SCN3A: variants seen among roughly 807,000 people sequenced by gnomAD.
SCN3A encodes sodium voltage-gated channel alpha subunit 3.
A neutral mutation model predicts 187.6 loss-of-function variants in SCN3A; 60 were observed. The observed-to-expected ratio is 0.32, with a 90% confidence interval of 0.26 to 0.40. The LOEUF (loss-of-function observed/expected upper bound fraction) is 0.40. Ranked by LOEUF, SCN3A falls within the 10% of genes least tolerant of loss-of-function variation. The probability of loss-of-function intolerance (pLI) is 1.00; values close to 1 mark genes in which losing one functional copy is unlikely to be tolerated. For missense variants in SCN3A, 1,601 were observed against 2,428.2 expected (o/e 0.66, Z 7.16); for synonymous variants, 788 against 829.2 (o/e 0.95, Z 0.85).
intron 12 of SCN3A, among the ~76,000 whole-genome samples, 187 bp from the exon 13 acceptor site, chr2:165,141,185 A>G (rs941847353): frequency 1.3e-5 from 2 of 152,238 alleles, no homozygotes; most frequent in African/African-American, 4.8e-5. Context: ...ATTTAAGTAC[A>G]AAGAGTGTTT....
At position 165,139,546 on chromosome 2, in the gene SCN3A, C is replaced by A. The variant is rs1687871489; in HGVS notation, c.2082G>T (p.Glu694Asp). The A allele has an allele frequency of 2.5e-5, 41 of 1,613,992 alleles. No individual in the cohort carries two copies. The highest frequency in any genetic ancestry group is 3.5e-5 in the Non-Finnish European group (41 of 1,179,912). Reference sequence around the variant, plus strand: ...GCCTTCCAGAGGAATCCTCCAGCATCTCCATTGAAATCTGGTAAGAGCTTA... The same window carrying A: ...GCCTTCCAGAGGAATCCTCCAGCATATCCATTGAAATCTGGTAAGAGCTTA... ...RRLSSYQISMEMLEDSSGRQR... is the reference protein window; with the variant it reads ...RRLSSYQISMDMLEDSSGRQR... The change falls in exon 14 of 28, where the codon GAG becomes GAT. Residue 694 changes from glutamate to aspartate, a missense_variant. Physicochemically the swap from Glu to Asp is conservative, Grantham distance 45. Transcript: ENST00000283254.
Position 165,162,206 on chromosome 2 carries a change from A to G in SCN3A, c.1031+102T>C. 4 of 1,081,110 alleles carry G rather than the reference A, an allele frequency of 3.7e-6. No homozygotes were observed. In the South Asian group the frequency reaches 4.2e-5, roughly 11 times the overall value. The allele number at this position is 1,081,110 out of a possible 1,614,324, so 67.0% of individuals were successfully genotyped here. ...GGGGAGCAGCACTGCTCTTTATTGC[A>G]TACATGGTAAGGCTACACATATAAC... On this transcript the variant is annotated intron_variant, in intron 9 of 27. Transcript: ENST00000283254.
At chr2:165,185,508 C>G (rs1011043086) in intron 2 of SCN3A, among the ~76,000 whole-genome samples, 4 of 152,100 alleles carry the variant, frequency 2.6e-5, no homozygotes, top group Admixed American at 6.5e-5. Flanking sequence ...TCCTCTGGAC[C>G]CTTTTCTATT....
At chr2:165,161,749 G>A (rs1689411989) in intron 9 of SCN3A, among the ~76,000 whole-genome samples, 1 of 152,114 alleles carries the variant, frequency 6.6e-6, no homozygotes, top group South Asian at 2.1e-4. Flanking sequence ...TGTAACGTGT[G>A]GCCTAAAAGA....
chr2:165,153,186 A>AATGGC (rs1266929339), intron 11 of SCN3A, among the ~76,000 whole-genome samples: 1 of 152,144 alleles, frequency 6.6e-6, no homozygotes, highest in African/African-American at 2.4e-5. Context: ...GTTCAAAGGC[A>AATGGC]ATGCAGTGGA....
Position 165,090,673 on chromosome 2 carries a change from G to A in SCN3A, c.5480C>T (p.Ala1827Val), listed in dbSNP as rs1242805569. Residue 1827 changes from alanine (A) to valine (V), a missense_variant, in exon 28 of 28, where the codon GCA (alanine) becomes GTA (valine). By Grantham distance (64) the Ala-to-Val change is moderately conservative. Coordinates refer to ENST00000283254, the MANE Select transcript of SCN3A (RefSeq NM_006922.4). This position sits in a 1 kb window ranked among gnomAD's most constrained non-coding sequence, Gnocchi z 4.0. Reference protein sequence around the residue: ...AAALDPPLLIAKPNKVQLIAM... With the variant: ...AAALDPPLLIVKPNKVQLIAM... ...AATAAGCTGGACTTTGTTGGGTTTT[G>A]CTATGAGAAGAGGAGGATCCAGGGC... The A allele has an allele frequency of 1.2e-6, 2 of 1,613,942 alleles. No homozygotes were observed. Among genetic ancestry groups the A allele is most frequent in the Admixed American group, 1.7e-5 (1 of 59,968 alleles).
intron 22 of SCN3A, among the ~76,000 whole-genome samples, chr2:165,098,719 C>A (rs969285859): frequency 3.9e-5 from 6 of 152,194 alleles, no homozygotes; most frequent in Non-Finnish European, 8.8e-5. Context: ...ACCACAGGTT[C>A]TCCTGTTTTC....
rs764142448 is a variant in SCN3A at position 165,154,447 on chromosome 2, AG to A, written c.1380+4del. 55 of 1,613,816 alleles carry A rather than the reference AG, an allele frequency of 3.4e-5. No homozygotes were observed. Among genetic ancestry groups the A allele is most frequent in the Non-Finnish European group, 4.0e-5 (47 of 1,179,820 alleles). ...TGATAAATCTTTGCTTTTATCACTC[AG>A]TACCTGAGCTTCTTCCTGTTGCTTT... On this transcript the variant is annotated splice_donor_region_variant and intron_variant, in intron 11 of 27. Coordinates refer to ENST00000283254, the MANE Select transcript of SCN3A (RefSeq NM_006922.4).
In SCN3A at chr2:165,187,572, T is replaced by C. The variant is rs372929396; in HGVS notation, c.-247-825A>G. Among the ~76,000 whole-genome samples, 12 of 152,348 alleles carry C rather than the reference T, an allele frequency of 7.9e-5. No homozygotes were observed. In the East Asian group the frequency reaches 1.7e-3, roughly 22 times the overall value. On this transcript the variant is annotated intron_variant, in intron 1 of 27. Transcript: ENST00000283254. ...AAAACATTAAATCTCACTTTTACAATTTTATACATGGTCTATACAATCTTT... is the reference window on the plus strand; with the variant it reads ...AAAACATTAAATCTCACTTTTACAACTTTATACATGGTCTATACAATCTTT...
chr2:165,169,896 G>A (rs764608464), intron 4 of SCN3A, among the ~76,000 whole-genome samples: 1 of 151,614 alleles, frequency 6.6e-6, no homozygotes, highest in Non-Finnish European at 1.5e-5. Flanking sequence ...CCAGGTACAT[G>A]AGCACATAGT....
chr2:165,152,967 T>A, intron 11 of SCN3A, among the ~76,000 whole-genome samples: 2 of 130,956 alleles, frequency 1.5e-5, no homozygotes, highest in African/African-American at 2.9e-5. Flanking sequence ...CATACAGAAC[T>A]ACAAGGGACA....
rs1559172539 is a variant in SCN3A, at chr2:165,089,871, C to T, written c.*279G>A. ...GTGTTTGGTGTAGTTACAATGTTCA[C>T]TTTGCACAACTATCCCTATAGTCTA... On this transcript the variant is annotated 3_prime_UTR_variant, in exon 28 of 28. Transcript: ENST00000283254. 2.3e-6 allele frequency: 1 copy of T among 434,536 alleles called. No homozygotes were observed. The highest frequency in any genetic ancestry group is 4.2e-6 in the Non-Finnish European group (1 of 239,472). The allele number at this position is 434,536 out of a possible 1,614,324, so 26.9% of individuals were successfully genotyped here. A position where few individuals can be genotyped will look rare whatever the true frequency, so the allele number is the denominator to read the frequency against.
chr2:165,107,436 T>C (rs1285047095), intron 21 of SCN3A, among the ~76,000 whole-genome samples: 1 of 152,174 alleles, frequency 6.6e-6, no homozygotes, highest in African/African-American at 2.4e-5. Context: ...TACACGGAAA[T>C]ATATCTAGAG....
intron 25 of SCN3A, 41 bp downstream of exon 25, chr2:165,095,470 A>T (rs1424635665): frequency 2.5e-6 from 4 of 1,597,612 alleles, no homozygotes; most frequent in Non-Finnish European, 3.4e-6. Context: ...TAACAGACAG[A>T]ACCCCAGAAT....
chr2:165,131,543 C>A (rs1442059719), intron 15 of SCN3A, 126 bp from the exon 16 acceptor site: 4 of 481,078 alleles, frequency 8.3e-6, no homozygotes, highest in African/African-American at 8.2e-5. Context: ...TGTGACAAAT[C>A]AATTCAAGTC....
chr2:165,105,114 G>C (rs1685783629), intron 21 of SCN3A, among the ~76,000 whole-genome samples: 1 of 152,140 alleles, frequency 6.6e-6, no homozygotes, highest in Non-Finnish European at 1.5e-5. Flanking sequence ...AATTGATGGA[G>C]CTGAAAACAG....
chr2:165,103,262 G>A (rs1685690808), intron 21 of SCN3A, among the ~76,000 whole-genome samples: 1 of 152,108 alleles, frequency 6.6e-6, no homozygotes, highest in South Asian at 2.1e-4. Flanking sequence ...AATTCACAGT[G>A]ACCTCTTTCA....
chr2:165,133,412 T>A (rs1687474380), intron 15 of SCN3A, among the ~76,000 whole-genome samples: 1 of 152,086 alleles, frequency 6.6e-6, no homozygotes, highest in Non-Finnish European at 1.5e-5. Flanking sequence ...TGGAGTAGAG[T>A]GGCGCGATCT....
chr2:165,172,759 G>A (rs1010371930), intron 3 of SCN3A, among the ~76,000 whole-genome samples: 3 of 152,180 alleles, frequency 2.0e-5, no homozygotes, highest in African/African-American at 2.4e-5. Context: ...TAGTACTAGC[G>A]GAATTACAGC....
Sources: gnomAD v4.1 joint callset for allele counts (sites outside exome capture counted in the v4.1 genomes callset) on GRCh38, gnomAD v4.1.1 for gene constraint, Gnocchi (gnomAD v3.1) non-coding constraint, MANE v1.5 for transcripts, NCBI Gene and HGNC (gene_info 2026-07-23, HGNC 2026-07-21) for gene names.